The following ELMO2 variants were observed in gnomAD, a reference collection of about 807,000 sequenced individuals.
ELMO2 encodes engulfment and cell motility 2.
A neutral mutation model predicts 96.2 loss-of-function variants in ELMO2; 37 were observed. The ratio of observed to expected loss-of-function variants is 0.38; its 90% CI spans 0.30 to 0.51. ELMO2 has a LOEUF of 0.51. Ranked by LOEUF, ELMO2 falls within the 20% of genes least tolerant of loss-of-function variation. ELMO2 has a pLI of 0.88. For synonymous variants in ELMO2, 315 were observed against 329.4 expected (o/e 0.96, Z 0.47); for missense variants, 561 against 912.6 (o/e 0.61, Z 4.96).
chr20:46,404,534 A>G (rs142350352), intron 1 of ELMO2, among the ~76,000 whole-genome samples: 1 of 152,310 alleles, frequency 6.6e-6, no homozygotes, highest in African/African-American at 2.4e-5. Context: ...AACCTCTTTT[A>G]GAAGCTTCAC....
At chr20:46,395,616 A>G (rs1239362984) in intron 2 of ELMO2, among the ~76,000 whole-genome samples, 1 of 152,190 alleles carries the variant, frequency 6.6e-6, no homozygotes, top group Non-Finnish European at 1.5e-5. Context: ...GCCCAAACAC[A>G]GATGTCAGTT....
At position 46,375,303 on chromosome 20, in the gene ELMO2, G is replaced by C. The variant is rs751231878; in HGVS notation, c.998C>G (p.Ala333Gly). Residue 333 changes from alanine to glycine, a missense_variant, in exon 13 of 22, where the codon GCC (alanine) becomes GGC (glycine). Physicochemically the swap from Ala to Gly is moderately conservative, Grantham distance 60. Coordinates refer to ENST00000290246, the MANE Select transcript of ELMO2 (RefSeq NM_133171.5). This position sits in a 1 kb window ranked among gnomAD's most constrained non-coding sequence, Gnocchi z 4.6. ...GCGTTTTTCGGTCCCACTCCCAGGGGCATTGCTAGGATCAGACTCTGCGTC... is the reference window on the plus strand; with the variant it reads ...GCGTTTTTCGGTCCCACTCCCAGGGCCATTGCTAGGATCAGACTCTGCGTC... Reference protein sequence around the residue: ...AFDAESDPSNAPGSGTEKRKA... With the variant: ...AFDAESDPSNGPGSGTEKRKA... 7.7e-5 allele frequency: 124 copies of C among 1,614,072 alleles called. No individual in the cohort carries two copies. The South Asian group carries it at 1.3e-3, about 17-fold the overall frequency.
chr20:46,378,673 G>A (rs2059904649), intron 11 of ELMO2, among the ~76,000 whole-genome samples: 2 of 152,190 alleles, frequency 1.3e-5, no homozygotes, highest in South Asian at 4.1e-4. Context: ...GCAGCTGACT[G>A]CTCAGCTTCA....
chr20:46,388,565 G>A (rs2060090553), intron 7 of ELMO2, among the ~76,000 whole-genome samples: 1 of 151,812 alleles, frequency 6.6e-6, no homozygotes, highest in African/African-American at 2.4e-5. Flanking sequence ...TGGGTAGGTT[G>A]ACACCTGTGG....
intron 8 of ELMO2, among the ~76,000 whole-genome samples, chr20:46,386,898 C>G (rs1232386865): frequency 6.6e-6 from 1 of 152,220 alleles, no homozygotes; most frequent in African/African-American, 2.4e-5. Context: ...GAAGTACCCT[C>G]TCCTACCCAC....
chr20:46,366,072 T>C lies in ELMO2; in HGVS notation c.*1288A>G, dbSNP rs1175963825. On this transcript the variant is annotated 3_prime_UTR_variant, in exon 22 of 22. Transcript: ENST00000290246. ...CAGTTTGTACATGAAAGAGTATTTATTGAAAACATGGTTACTGACAGGAAG... is the reference window on the plus strand; with the variant it reads ...CAGTTTGTACATGAAAGAGTATTTACTGAAAACATGGTTACTGACAGGAAG... 5 of 152,644 alleles carry C rather than the reference T, an allele frequency of 3.3e-5. No individual in the cohort carries two copies. Among genetic ancestry groups the C allele is most frequent in the East Asian group, 1.9e-4 (1 of 5,196 alleles). 9.5% of individuals were successfully genotyped at this position (152,644 alleles called of 1,614,324 possible).
Position 46,366,823 on chromosome 20 carries a change from G to T in ELMO2, c.*537C>A. Reference sequence around the variant, plus strand: ...GATGTTAGAGCCAACCTCAGAAGCAGCAACGTCTTGGCACCATATGAAGCT... The same window carrying T: ...GATGTTAGAGCCAACCTCAGAAGCATCAACGTCTTGGCACCATATGAAGCT... On this transcript the variant is annotated 3_prime_UTR_variant, in exon 22 of 22. Transcript: ENST00000290246. The T allele has an allele frequency of 6.5e-6, 1 of 152,854 alleles. No individual in the cohort carries two copies. Among genetic ancestry groups the T allele is most frequent in the Non-Finnish European group, 1.5e-5 (1 of 68,122 alleles). 9.5% of individuals were successfully genotyped at this position (152,854 alleles called of 1,614,324 possible). A position where few individuals can be genotyped will look rare whatever the true frequency, so the allele number is the denominator to read the frequency against.
In ELMO2 at chr20:46,371,974, G is replaced by C. The variant is rs1233269747; in HGVS notation, c.1417-5C>G. On this transcript the variant is annotated splice_region_variant and splice_polypyrimidine_tract_variant and intron_variant, in intron 16 of 21. Transcript: ENST00000290246. The surrounding 1 kb of genome is among the most constrained non-coding windows in gnomAD (Gnocchi z 5.9). The stretch of plus-strand genomic sequence containing the variant: ...CTCTCGGACGACTTGCATAACCTAA[G>C]AGGAGAAGAACCCAGCCAACTCACA... The C allele has an allele frequency of 6.2e-7, 1 of 1,613,406 alleles. No homozygotes were observed. The highest frequency in any genetic ancestry group is 1.3e-5 in the African/African-American group (1 of 74,912).
intron 15 of ELMO2, 56 bp downstream of exon 15, chr20:46,374,276 C>T (rs1405683563): frequency 7.0e-7 from 1 of 1,437,650 alleles, no homozygotes; most frequent in Admixed American, 1.7e-5. Context: ...TTTTGAGTCT[C>T]ACTGAGCTCT....
intron 11 of ELMO2, chr20:46,380,020 C>T (rs1346721610): frequency 2.6e-6 from 1 of 390,184 alleles, no homozygotes; most frequent in African/African-American, 2.0e-5. Flanking sequence ...GTAGAGCTGG[C>T]CTTGGTCCCT....
intron 11 of ELMO2, chr20:46,376,955 TAGCGGCTAC>T: frequency 4.2e-6 from 2 of 475,838 alleles, no homozygotes; most frequent in South Asian, 4.0e-5. Context: ...TCACCGTGGC[TAGCGGCTAC>T]AGCAATGCAG....
At chr20:46,386,446 C>T (rs149278983) in intron 8 of ELMO2, among the ~76,000 whole-genome samples, 171 bp from the exon 9 acceptor site, 61 of 152,318 alleles carry the variant, frequency 4.0e-4, no homozygotes, top group African/African-American at 1.4e-3. Context: ...CCAGGGATTC[C>T]CTTGGCATGG....
At chr20:46,380,597 C>T (rs894839090) in intron 10 of ELMO2, among the ~76,000 whole-genome samples, 14 of 152,178 alleles carry the variant, frequency 9.2e-5, no homozygotes, top group African/African-American at 3.1e-4. Context: ...GAAGATGAGA[C>T]GCTTGTGTCA....
At chr20:46,370,339 A>G in intron 20 of ELMO2, 104 bp downstream of exon 20, 1 of 1,000,366 alleles carries the variant, frequency 1.0e-6, no homozygotes, top group Admixed American at 1.7e-5. Flanking sequence ...AACATTCAGG[A>G]ATAGAGAGGG....
intron 6 of ELMO2, among the ~76,000 whole-genome samples, chr20:46,392,435 G>A (rs1432899590): frequency 6.6e-6 from 1 of 152,114 alleles, no homozygotes; most frequent in Non-Finnish European, 1.5e-5. Flanking sequence ...CCTCTTCAAA[G>A]GTTCCTACTA....
chr20:46,376,586 G>T, intron 11 of ELMO2: 1 of 1,279,264 alleles, frequency 7.8e-7, no homozygotes, highest in South Asian at 1.2e-5. Context: ...CCCTCGGTCT[G>T]TCCTAGCTGA....
intron 2 of ELMO2, among the ~76,000 whole-genome samples, chr20:46,395,486 C>A (rs1391812164): frequency 6.6e-6 from 1 of 152,208 alleles, no homozygotes; most frequent in Non-Finnish European, 1.5e-5. Context: ...CTTTCTGCAT[C>A]CTCCAGGTTT....
chr20:46,401,614 T>G (rs1020347360), intron 1 of ELMO2, among the ~76,000 whole-genome samples: 4 of 152,202 alleles, frequency 2.6e-5, no homozygotes, highest in Non-Finnish European at 5.9e-5. Context: ...GCATTCAACT[T>G]ACTCCAGTTC....
chr20:46,378,418 T>C (rs1376510564), intron 11 of ELMO2, among the ~76,000 whole-genome samples: 1 of 152,226 alleles, frequency 6.6e-6, no homozygotes, highest in East Asian at 1.9e-4. Flanking sequence ...CCCGATTAAA[T>C]AGTAAGTCTC....
Sources: gnomAD v4.1 joint callset for allele counts (sites outside exome capture counted in the v4.1 genomes callset) on GRCh38, gnomAD v4.1.1 for gene constraint, Gnocchi (gnomAD v3.1) non-coding constraint, MANE v1.5 for transcripts, NCBI Gene and HGNC (gene_info 2026-07-23, HGNC 2026-07-21) for gene names.